Variants in RGS9 observed in about 807,000 individuals in gnomAD.
RGS9 encodes regulator of G-protein signalling 9.
A neutral mutation model predicts 102.0 loss-of-function variants in RGS9; 78 were observed. The ratio of observed to expected loss-of-function variants is 0.76; its 90% CI spans 0.64 to 0.92. The LOEUF (loss-of-function observed/expected upper bound fraction) is 0.92, where lower values mean the gene tolerates loss of function less well. Ranked by LOEUF, RGS9 falls within the 40% of genes least tolerant of loss-of-function variation. The pLI, the probability that RGS9 is intolerant of heterozygous loss-of-function variation, is 0.00. For synonymous variants in RGS9, 353 were observed against 318.6 expected (o/e 1.11, Z -1.15); for missense variants, 833 against 866.1 (o/e 0.96, Z 0.48).
intron 6 of RGS9, 112 bp downstream of exon 6, chr17:65,161,021 AATCC>A: frequency 1.1e-6 from 1 of 880,794 alleles, no homozygotes. Flanking sequence ...ATTCATATGC[AATCC>A]ATCCAGCCAG....
intron 13 of RGS9, among the ~76,000 whole-genome samples, chr17:65,198,910 A>T (rs561318944): frequency 2.6e-5 from 4 of 152,336 alleles, no homozygotes; most frequent in Admixed American, 2.0e-4. Context: ...CCCAGAAAAG[A>T]TGGATGGACT....
intron 1 of RGS9, among the ~76,000 whole-genome samples, chr17:65,148,797 C>T (rs776886171): frequency 3.3e-5 from 5 of 152,292 alleles, no homozygotes; most frequent in Non-Finnish European, 4.4e-5. Flanking sequence ...ATCTTCCTGC[C>T]TCAGCCTTCC....
Position 65,167,725 on chromosome 17 carries a change from G to A in RGS9, c.501-475G>A, listed in dbSNP as rs182478606. Among the ~76,000 whole-genome samples the A allele has an allele frequency of 3.9e-5, 6 of 152,264 alleles. No homozygotes were observed. The East Asian group carries it at 9.6e-4, about 24-fold the overall frequency. On this transcript the variant is annotated intron_variant, in intron 7 of 18. Coordinates refer to ENST00000262406, the MANE Select transcript of RGS9 (RefSeq NM_003835.4). The stretch of plus-strand genomic sequence containing the variant: ...TTAAGAAGCCAGGAGGTCAAATGTC[G>A]ACCCGGAAGTTCACCCATGCGCGCT...
chr17:65,201,510 G>A (rs1247407669), intron 13 of RGS9, among the ~76,000 whole-genome samples: 1 of 152,232 alleles, frequency 6.6e-6, no homozygotes, highest in Non-Finnish European at 1.5e-5. Flanking sequence ...GCAAAGGAAG[G>A]AGGTCTTGAT....
chr17:65,147,817 C>T (rs1490100015), intron 1 of RGS9, among the ~76,000 whole-genome samples: 1 of 151,930 alleles, frequency 6.6e-6, no homozygotes, highest in Non-Finnish European at 1.5e-5. Context: ...TGTCGAACTC[C>T]TGCCATCAAA....
intron 2 of RGS9, among the ~76,000 whole-genome samples, chr17:65,156,223 A>G (rs1188718764): frequency 6.6e-6 from 1 of 152,050 alleles, no homozygotes; most frequent in Admixed American, 6.6e-5. Flanking sequence ...AGATTTCACT[A>G]TGTTGGTCAG....
In RGS9 at chr17:65,142,333, T is replaced by C. The variant is rs75183697; in HGVS notation, c.57+4736T>C. On this transcript the variant is annotated intron_variant, in intron 1 of 18. Transcript: ENST00000262406. The stretch of plus-strand genomic sequence containing the variant: ...GCTTCCTAGGTCATGCTACAGAGTT[T>C]GATGGCTTCTGTGTTTAATGAGAAG... Among the ~76,000 whole-genome samples the C allele has an allele frequency of 5.0e-3, 759 of 152,274 alleles. 4 individuals are homozygous for C. The highest frequency in any genetic ancestry group is 0.017 in the African/African-American group (711 of 41,534).
At chr17:65,193,677 T>C (rs1380032337) in intron 12 of RGS9, 21 bp downstream of exon 12, 1 of 1,519,684 alleles carries the variant, frequency 6.6e-7, no homozygotes, top group Middle Eastern at 1.7e-4. Flanking sequence ...TATATATTGG[T>C]GTTTTTTAAA....
intron 8 of RGS9, among the ~76,000 whole-genome samples, chr17:65,174,951 G>C (rs1273690154): frequency 2.6e-5 from 4 of 152,120 alleles, no homozygotes; most frequent in Admixed American, 6.5e-5. Flanking sequence ...TCACTATCAT[G>C]AGAACAGCAT....
intron 9 of RGS9, 185 bp from the exon 10 acceptor site, chr17:65,189,101 G>A (rs1331154277): frequency 1.6e-6 from 1 of 616,678 alleles, no homozygotes. Flanking sequence ...CTCTTGCTTG[G>A]TATTTATTCC....
chr17:65,172,273 GGC>G (rs575387608), intron 8 of RGS9, among the ~76,000 whole-genome samples: 157 of 152,228 alleles, frequency 1.0e-3, no homozygotes, highest in African/African-American at 3.6e-3. Flanking sequence ...GCATGGTCTT[GGC>G]TCACTGCAAC....
In RGS9 at chr17:65,137,384, A is replaced by G. The variant is rs1021726992; in HGVS notation, c.-157A>G. The G allele has an allele frequency of 2.3e-5, 16 of 695,694 alleles. No homozygotes were observed. Among genetic ancestry groups the G allele is most frequent in the Non-Finnish European group, 3.8e-5 (15 of 392,398 alleles). The allele number at this position is 695,694 out of a possible 1,614,324, so 43.1% of individuals were successfully genotyped here. A position where few individuals can be genotyped will look rare whatever the true frequency, so the allele number is the denominator to read the frequency against. On this transcript the variant is annotated 5_prime_UTR_variant, in exon 1 of 19. Transcript: ENST00000262406. ...GCTGCTTTCCAAGTCAGCGGCGCCTAGTGAGAGTCAGGGGGGCCCGGCCCG... is the reference window on the plus strand; with the variant it reads ...GCTGCTTTCCAAGTCAGCGGCGCCTGGTGAGAGTCAGGGGGGCCCGGCCCG...
chr17:65,197,195 C>T lies in RGS9; in HGVS notation c.930C>T (p.Pro310=). Residue 310 remains proline, a synonymous_variant, in exon 13 of 19, where the codon CCC becomes CCT. Coordinates refer to ENST00000262406, the MANE Select transcript of RGS9 (RefSeq NM_003835.4). ...AFNFSELIRD[P]KGRQSFQYFL... ...ACTTCAGCGAATTGATCCGAGACCC[C>T]AAAGGTCGACAGAGCTTCCAGTACT... 6.8e-6 allele frequency: 11 copies of T among 1,613,874 alleles called. No individual in the cohort carries two copies. The highest frequency in any genetic ancestry group is 9.3e-6 in the Non-Finnish European group (11 of 1,179,870).
At chr17:65,198,157 GC>G (rs1912668187) in intron 13 of RGS9, among the ~76,000 whole-genome samples, 1 of 152,138 alleles carries the variant, frequency 6.6e-6, no homozygotes, top group South Asian at 2.1e-4. Context: ...TTAGCTCCTG[GC>G]CTGATTTCTT....
intron 1 of RGS9, among the ~76,000 whole-genome samples, chr17:65,143,907 G>A (rs1395698544): frequency 1.3e-5 from 2 of 150,380 alleles, no homozygotes; most frequent in Non-Finnish European, 3.0e-5. Flanking sequence ...GCCACAGTGA[G>A]CTATGATCAT....
chr17:65,197,092 A>G lies in RGS9; in HGVS notation c.861-34A>G, dbSNP rs749783613. Reference sequence around the variant, plus strand: ...CAGGCCACCACCTGTCACAACCGCTACCTCTCTGGTGCATTTACAAATCAT... The same window carrying G: ...CAGGCCACCACCTGTCACAACCGCTGCCTCTCTGGTGCATTTACAAATCAT... On this transcript the variant is annotated intron_variant, in intron 12 of 18. Transcript: ENST00000262406. 14 of 1,515,474 alleles carry G rather than the reference A, an allele frequency of 9.2e-6. No homozygotes were observed. In the East Asian group the frequency reaches 3.2e-4, roughly 35 times the overall value. The allele number at this position is 1,515,474 out of a possible 1,614,324, so 93.9% of individuals were successfully genotyped here. A position where few individuals can be genotyped will look rare whatever the true frequency, so the allele number is the denominator to read the frequency against.
At chr17:65,200,454 G>A (rs1180679235) in intron 13 of RGS9, among the ~76,000 whole-genome samples, 1 of 152,154 alleles carries the variant, frequency 6.6e-6, no homozygotes. Flanking sequence ...ACGAATAATT[G>A]CTTATTTAAT....
At chr17:65,183,533 G>A (rs1490747227) in intron 9 of RGS9, among the ~76,000 whole-genome samples, 2 of 152,168 alleles carry the variant, frequency 1.3e-5, no homozygotes, top group Non-Finnish European at 2.9e-5. Flanking sequence ...CTGGGCTCAA[G>A]CGATCCACCT....
chr17:65,148,832 G>A (rs1910467390), intron 1 of RGS9, among the ~76,000 whole-genome samples: 1 of 152,186 alleles, frequency 6.6e-6, no homozygotes, highest in Admixed American at 6.5e-5. Context: ...ACAGGCATGA[G>A]CTACCATGTC....
Sources: allele counts gnomAD v4.1 joint callset (sites outside exome capture counted in the v4.1 genomes callset), GRCh38; gene constraint gnomAD v4.1.1; transcripts MANE v1.5; gene names NCBI Gene and HGNC (gene_info 2026-07-23, HGNC 2026-07-21).